GOLT1A: variants seen among roughly 807,000 people sequenced by gnomAD.
GOLT1A encodes golgi transport 1A.
GOLT1A carries 10 observed loss-of-function variants against 16.1 expected under a neutral mutation model. The observed-to-expected ratio is 0.62, with a 90% CI of 0.38 to 1.05. GOLT1A has a LOEUF of 1.05. Ranked by LOEUF, GOLT1A falls within the 50% of genes least tolerant of loss-of-function variation. The pLI is 0.01. For missense variants in GOLT1A, 137 were observed against 165.7 expected, an observed-to-expected ratio of 0.83 and a Z score of 0.95; for synonymous variants, 60 against 67.9, an observed-to-expected ratio of 0.88 and a Z score of 0.57.
intron 1 of GOLT1A, among the ~76,000 whole-genome samples, chr1:204,206,211 C>T (rs1441511051): frequency 6.6e-6 from 1 of 152,198 alleles, no homozygotes; most frequent in Non-Finnish European, 1.5e-5. Context: ...TGTTGGGACC[C>T]AGTGTAACAT....
chr1:204,200,066 G>T (rs1658927607), intron 3 of GOLT1A, among the ~76,000 whole-genome samples: 1 of 151,944 alleles, frequency 6.6e-6, no homozygotes, highest in South Asian at 2.1e-4. Flanking sequence ...CTGACTTTCA[G>T]TTTGAACTAT....
At chr1:204,201,853 C>T in intron 2 of GOLT1A, 42 bp from the exon 3 acceptor site, 1 of 1,590,906 alleles carries the variant, frequency 6.3e-7, no homozygotes, top group Non-Finnish European at 8.6e-7. Context: ...CCCACCAGCC[C>T]CCTGAGGAGT....
chr1:204,201,825 A>T lies in GOLT1A; in HGVS notation c.118-14T>A, dbSNP rs1267363191. The T allele has an allele frequency of 8.7e-6, 14 of 1,612,318 alleles. No homozygotes were observed. Among genetic ancestry groups the T allele is most frequent in the Non-Finnish European group, 1.1e-5 (13 of 1,179,114 alleles). ...CAGGAACAGCAGCTGTAGGGGAGGG[A>T]GGGGAGCATGAAGCAAACCCACCAG... On this transcript the variant is annotated splice_polypyrimidine_tract_variant and intron_variant, in intron 2 of 4. Coordinates refer to ENST00000308302, the MANE Select transcript of GOLT1A (RefSeq NM_198447.2).
intron 1 of GOLT1A, among the ~76,000 whole-genome samples, chr1:204,204,892 T>C (rs1557986088): frequency 6.6e-6 from 1 of 152,252 alleles, no homozygotes; most frequent in Non-Finnish European, 1.5e-5. Flanking sequence ...TACATTGTGG[T>C]TTTGACTTAC....
At chr1:204,211,134 T>A (rs1377988398) in intron 1 of GOLT1A, among the ~76,000 whole-genome samples, 1 of 152,144 alleles carries the variant, frequency 6.6e-6, no homozygotes, top group Non-Finnish European at 1.5e-5. Flanking sequence ...CAGCCCCCAT[T>A]TGGCCTCCTG....
chr1:204,204,212 TA>T (rs748325264), intron 1 of GOLT1A, among the ~76,000 whole-genome samples: 1 of 152,186 alleles, frequency 6.6e-6, no homozygotes, highest in Non-Finnish European at 1.5e-5. Flanking sequence ...TCTAACCATT[TA>T]AAAATGTACA....
At position 204,211,755 on chromosome 1, in the gene GOLT1A, C is replaced by T. The variant is rs146591537; in HGVS notation, c.25+2127G>A. Among the ~76,000 whole-genome samples, 213 of 152,104 alleles carry T rather than the reference C, an allele frequency of 1.4e-3. 1 individual carries two copies. The highest frequency in any genetic ancestry group is 4.4e-3 in the African/African-American group (181 of 41,468). ...GGATTGTGGGTGGGGAAGCGGGGTGCGGGATGGAAATTTGTTTCCCAGGGG... is the reference window on the plus strand; with the variant it reads ...GGATTGTGGGTGGGGAAGCGGGGTGTGGGATGGAAATTTGTTTCCCAGGGG... On this transcript the variant is annotated intron_variant, in intron 1 of 4. Transcript: ENST00000308302.
chr1:204,213,283 G>A (rs1009351471), intron 1 of GOLT1A, among the ~76,000 whole-genome samples: 10 of 152,306 alleles, frequency 6.6e-5, no homozygotes, highest in African/African-American at 2.4e-4. Context: ...AATCTGTTGA[G>A]TGAACAAAAG....
intron 1 of GOLT1A, among the ~76,000 whole-genome samples, chr1:204,205,123 G>GTT (rs1243554455): frequency 6.6e-6 from 1 of 152,150 alleles, no homozygotes; most frequent in Non-Finnish European, 1.5e-5. Flanking sequence ...CTTTCAGTCT[G>GTT]TTGACTGTGT....
intron 1 of GOLT1A, among the ~76,000 whole-genome samples, chr1:204,212,158 C>T (rs57675184): frequency 2.6e-5 from 4 of 152,108 alleles, no homozygotes; most frequent in Non-Finnish European, 5.9e-5. Context: ...TGCTTCCCCC[C>T]ACTCAACCCT....
chr1:204,201,780 A>G lies in GOLT1A; in HGVS notation c.149T>C (p.Ile50Thr), dbSNP rs767755071. 3.2e-5 allele frequency: 51 copies of G among 1,614,030 alleles called. No homozygotes were observed. Among genetic ancestry groups the G allele is most frequent in the Non-Finnish European group, 3.8e-5 (45 of 1,180,030 alleles). The change falls in exon 3 of 5, where the codon ATT (isoleucine) becomes ACT (threonine). Residue 50 changes from isoleucine to threonine, a missense_variant. Transcript: ENST00000308302. ...GAACCAAAAGGTCTTCCTCAGGCCA[A>G]TGATGAGGGACAGGCCCGTCAGGAA... is the stretch of plus-strand genomic sequence containing the variant. Reference protein sequence around the residue: ...LLFLTGLSLIIGLRKTFWFFF... With the variant: ...LLFLTGLSLITGLRKTFWFFF...
chr1:204,207,209 GGTGTGCCTGCCCGGCACGGTCCCC>G (rs1215956378), intron 1 of GOLT1A, among the ~76,000 whole-genome samples: 30 of 152,268 alleles, frequency 2.0e-4, no homozygotes, highest in African/African-American at 7.0e-4. Flanking sequence ...AGGAGTGACA[GGTGTGCCTGCCCGGCACGGTCCCC>G]GTGATCCAGA....
At chr1:204,200,853 A>G (rs919043464) in intron 3 of GOLT1A, among the ~76,000 whole-genome samples, 2 of 152,108 alleles carry the variant, frequency 1.3e-5, no homozygotes, top group African/African-American at 4.8e-5. Context: ...CATTGTCCCA[A>G]TCCCACCCCT....
intron 1 of GOLT1A, among the ~76,000 whole-genome samples, chr1:204,208,881 C>T (rs144856119): frequency 2.2e-3 from 334 of 152,264 alleles, no homozygotes; most frequent in African/African-American, 7.4e-3. Flanking sequence ...TTCTCCTAAA[C>T]AGCCAACATA....
At chr1:204,205,840 T>G (rs1257677185) in intron 1 of GOLT1A, among the ~76,000 whole-genome samples, 1 of 152,106 alleles carries the variant, frequency 6.6e-6, no homozygotes, top group Non-Finnish European at 1.5e-5. Flanking sequence ...GAGGCTGATG[T>G]GGGTGGATCA....
At chr1:204,204,447 G>A (rs978510317) in intron 1 of GOLT1A, among the ~76,000 whole-genome samples, 1 of 152,176 alleles carries the variant, frequency 6.6e-6, no homozygotes, top group South Asian at 2.1e-4. Context: ...CGTTCTCAAG[G>A]TTCCTTCATG....
Position 204,199,409 on chromosome 1 carries a change from T to A in GOLT1A, c.297-151A>T, listed in dbSNP as rs1043336563. ...TGCACTCCTGTGTTCCGAGAGACAG[T>A]CGAGTGACATGATTAAGAATGAAGG... is the stretch of plus-strand genomic sequence containing the variant. On this transcript the variant is annotated intron_variant, in intron 3 of 4. Coordinates refer to ENST00000308302, the MANE Select transcript of GOLT1A (RefSeq NM_198447.2). The A allele has an allele frequency of 3.4e-4, 226 of 663,060 alleles. 1 individual carries two copies. The highest frequency in any genetic ancestry group is 5.2e-4 in the Non-Finnish European group (191 of 364,430). The allele number at this position is 663,060 out of a possible 1,614,324, so 41.1% of individuals were successfully genotyped here.
rs188479989 is a variant in GOLT1A, at chr1:204,207,507, G to A, written c.26-4520C>T. 4.6e-5 allele frequency among the ~76,000 whole-genome samples: 7 copies of A among 152,182 alleles called. No individual in the cohort carries two copies. The East Asian group carries it at 5.8e-4, about 13-fold the overall frequency. ...AGAAGAGCCCATGGCCACCCGATAC[G>A]GACAAGCCAGGCTTCCCTGACTCCC... On this transcript the variant is annotated intron_variant, in intron 1 of 4. Transcript: ENST00000308302.
chr1:204,198,497 C>T lies in GOLT1A; in HGVS notation c.361-1G>A. The T allele has an allele frequency of 6.2e-7, 1 of 1,613,090 alleles. No individual in the cohort carries two copies. Among genetic ancestry groups the T allele is most frequent in the Non-Finnish European group, 8.5e-7 (1 of 1,179,556 alleles). ...TAGTGCCTTGAAGTCTCCGGAACAG[C>T]TGTGGGAGCCAAGAATCATTACTCC... On this transcript the variant is annotated splice_acceptor_variant, in intron 4 of 4. Transcript: ENST00000308302. LOFTEE classifies it high-confidence loss of function.
Sources: allele counts gnomAD v4.1 joint callset (sites outside exome capture counted in the v4.1 genomes callset), GRCh38; gene constraint gnomAD v4.1.1; transcripts MANE v1.5; gene names NCBI Gene and HGNC (gene_info 2026-07-23, HGNC 2026-07-21).